Variants in NTRK3 observed in about 807,000 individuals in gnomAD.
NTRK3 encodes the protein NT-3 growth factor receptor.
A neutral mutation model predicts 91.7 loss-of-function variants in NTRK3; 24 were observed. The ratio of observed to expected loss-of-function variants is 0.26; its 90% CI spans 0.19 to 0.37. The LOEUF (loss-of-function observed/expected upper bound fraction) is 0.37, where lower values mean the gene tolerates loss of function less well. NTRK3 is among the 10% of genes least tolerant of loss of function. The pLI is 1.00. For synonymous variants in NTRK3, 483 were observed against 404.0 expected (o/e 1.20, Z -2.34); for missense variants, 880 against 1,068.9 (o/e 0.82, Z 2.46).
At chr15:87,975,567 G>C (rs189834716) in intron 14 of NTRK3, among the ~76,000 whole-genome samples, 1 of 152,298 alleles carries the variant, frequency 6.6e-6, no homozygotes, top group East Asian at 1.9e-4. Context: ...GTCCAAACTG[G>C]CATCTTTCTG....
chr15:88,132,916 T>C (rs1374082785), intron 10 of NTRK3, among the ~76,000 whole-genome samples: 1 of 152,150 alleles, frequency 6.6e-6, no homozygotes, highest in Non-Finnish European at 1.5e-5. Flanking sequence ...GCTTTCTCTT[T>C]GAGTTTCTCT....
chr15:87,993,392 G>A (rs2075431777), intron 14 of NTRK3, among the ~76,000 whole-genome samples: 1 of 152,182 alleles, frequency 6.6e-6, no homozygotes, highest in South Asian at 2.1e-4. Flanking sequence ...AAACCTCTGA[G>A]TTGGGATTTT....
At chr15:88,194,866 G>A (rs1341810328) in intron 3 of NTRK3, among the ~76,000 whole-genome samples, 1 of 152,026 alleles carries the variant, frequency 6.6e-6, no homozygotes, top group East Asian at 1.9e-4. Context: ...AGCCTCACTG[G>A]TCTCCTCTCA....
chr15:88,214,773 G>C (rs181993634), intron 3 of NTRK3, among the ~76,000 whole-genome samples: 2 of 151,702 alleles, frequency 1.3e-5, no homozygotes, highest in Non-Finnish European at 2.9e-5. Flanking sequence ...TCCCATACGA[G>C]CCCAGCTTTG....
At chr15:88,209,341 A>T (rs544468887) in intron 3 of NTRK3, among the ~76,000 whole-genome samples, 3 of 152,320 alleles carry the variant, frequency 2.0e-5, no homozygotes, top group South Asian at 2.1e-4. Context: ...TTGATAAGGA[A>T]GGTGTATGCA....
chr15:87,868,986 A>T (rs2064757649), exon 19 of NTRK3: 1 of 228,450 alleles, frequency 4.4e-6, no homozygotes, highest in Admixed American at 5.7e-5. Flanking sequence ...CAGAGCCCAG[A>T]GCAGGGCTCA....
intron 13 of NTRK3, among the ~76,000 whole-genome samples, chr15:88,079,231 T>C (rs1482466690): frequency 2.0e-5 from 3 of 152,140 alleles, no homozygotes; most frequent in Non-Finnish European, 4.4e-5. Flanking sequence ...AGACTGGGAT[T>C]AGATGTGAAG....
intron 6 of NTRK3, among the ~76,000 whole-genome samples, chr15:88,139,392 C>T (rs1292508428): frequency 6.6e-6 from 1 of 151,812 alleles, no homozygotes; most frequent in Non-Finnish European, 1.5e-5. Context: ...CACTTGGGCA[C>T]ACCGCACTAA....
At chr15:87,898,742 T>G (rs545941714) in intron 17 of NTRK3, among the ~76,000 whole-genome samples, 18 of 148,968 alleles carry the variant, frequency 1.2e-4, no homozygotes, top group Middle Eastern at 3.6e-3. Context: ...TCCCAGCACT[T>G]CAGGAGGCCA....
intron 5 of NTRK3, among the ~76,000 whole-genome samples, chr15:88,167,386 A>G (rs2045068538): frequency 6.6e-6 from 1 of 151,880 alleles, no homozygotes; most frequent in Admixed American, 6.5e-5. Context: ...CATAGGAAAC[A>G]GCCCAGTATA....
At chr15:88,138,424 AAGAG>A (rs2042081708) in intron 6 of NTRK3, among the ~76,000 whole-genome samples, 2 of 152,214 alleles carry the variant, frequency 1.3e-5, no homozygotes, top group African/African-American at 4.8e-5. Context: ...AAAAAGAAAA[AAGAG>A]AGAGATATCA....
chr15:87,958,684 A>G (rs149564084), intron 14 of NTRK3, among the ~76,000 whole-genome samples: 1 of 151,948 alleles, frequency 6.6e-6, no homozygotes, highest in Non-Finnish European at 1.5e-5. Flanking sequence ...CCACATCTGC[A>G]ATAGACCCTC....
chr15:88,121,415 C>T (rs963280220), intron 13 of NTRK3, among the ~76,000 whole-genome samples: 5 of 152,132 alleles, frequency 3.3e-5, no homozygotes, highest in Admixed American at 6.5e-5. Context: ...CTTGTCTGGG[C>T]CTCGGTTTCT....
intron 15 of NTRK3, among the ~76,000 whole-genome samples, chr15:87,939,043 G>C (rs181629929): frequency 6.6e-6 from 1 of 152,264 alleles, no homozygotes; most frequent in Admixed American, 6.5e-5. Flanking sequence ...TGAATGTATT[G>C]TTATGCTGCT....
At chr15:87,968,740 G>C (rs944636875) in intron 14 of NTRK3, among the ~76,000 whole-genome samples, 4 of 152,162 alleles carry the variant, frequency 2.6e-5, no homozygotes, top group African/African-American at 9.7e-5. Flanking sequence ...ACAATTAGGA[G>C]AGTGACTAAG....
chr15:88,184,010 C>T (rs1187633713), intron 4 of NTRK3, among the ~76,000 whole-genome samples: 1 of 152,222 alleles, frequency 6.6e-6, no homozygotes, highest in Non-Finnish European at 1.5e-5. Context: ...CCCCTTGCCT[C>T]TCTAGACTAG....
At chr15:88,246,804 T>C (rs910207603) in intron 3 of NTRK3, among the ~76,000 whole-genome samples, 1 of 152,110 alleles carries the variant, frequency 6.6e-6, no homozygotes, top group South Asian at 2.1e-4. Context: ...AGAGATACAA[T>C]GGAAGCAGGG....
intron 13 of NTRK3, among the ~76,000 whole-genome samples, chr15:88,113,376 C>T (rs980348593): frequency 1.5e-5 from 2 of 132,764 alleles, no homozygotes; most frequent in Non-Finnish European, 3.0e-5. Flanking sequence ...AGTGCAGTGG[C>T]GTGATCTTGG....
At chr15:87,893,085 A>G (rs1191642453) in intron 17 of NTRK3, among the ~76,000 whole-genome samples, 1 of 152,198 alleles carries the variant, frequency 6.6e-6, no homozygotes, top group South Asian at 2.1e-4. Flanking sequence ...TATTTTTTCA[A>G]CATTCTTATA....
Sources: allele counts gnomAD v4.1 joint callset (sites outside exome capture counted in the v4.1 genomes callset), GRCh38; gene constraint gnomAD v4.1.1; transcripts MANE v1.5; gene names NCBI Gene and HGNC (gene_info 2026-07-23, HGNC 2026-07-21).